POU6F2: variants seen among roughly 807,000 people sequenced by gnomAD.
POU6F2 encodes the protein POU class 6 homeobox 2, also known as POU domain, class 6, transcription factor 2.
POU6F2 carries 31 observed loss-of-function variants against 71.3 expected under a neutral mutation model. The ratio of observed to expected loss-of-function variants is 0.43; its 90% CI spans 0.33 to 0.59. POU6F2 has a LOEUF of 0.59. Ranked by LOEUF, POU6F2 falls within the 20% of genes least tolerant of loss-of-function variation. The probability of loss-of-function intolerance (pLI) is 0.04; values close to 1 mark genes in which losing one functional copy is unlikely to be tolerated. For missense variants in POU6F2, 783 were observed against 856.8 expected (o/e 0.91, Z 1.07); for synonymous variants, 347 against 355.7 (o/e 0.98, Z 0.27).
In POU6F2 at chr7:39,077,201, A is replaced by C. The variant is rs116280444; in HGVS notation, c.106-8659A>C. Reference sequence around the variant, plus strand: ...AACTCATATTGATGCTTTTTCATAAAGGCAGCAGAAATTGAATTGATGGTG... The same window carrying C: ...AACTCATATTGATGCTTTTTCATAACGGCAGCAGAAATTGAATTGATGGTG... On this transcript the variant is annotated intron_variant, in intron 1 of 9. Transcript: ENST00000518318. Among the ~76,000 whole-genome samples the C allele has an allele frequency of 4.3e-3, 652 of 152,346 alleles. 3 individuals are homozygous for C. Among genetic ancestry groups the C allele is most frequent in the African/African-American group, 0.015 (621 of 41,584 alleles).
chr7:39,274,770 C>T (rs1784406178), intron 4 of POU6F2, among the ~76,000 whole-genome samples: 1 of 129,026 alleles, frequency 7.8e-6, no homozygotes, highest in Non-Finnish European at 1.6e-5. Context: ...AAATGTAATC[C>T]AGCATATAAA....
At chr7:39,181,027 G>A (rs1446875247) in intron 2 of POU6F2, among the ~76,000 whole-genome samples, 1 of 152,208 alleles carries the variant, frequency 6.6e-6, no homozygotes, top group East Asian at 1.9e-4. Context: ...ATTCTAATGT[G>A]CCCCCATTCA....
intron 1 of POU6F2, among the ~76,000 whole-genome samples, chr7:39,009,339 T>C (rs969094533): frequency 9.2e-5 from 14 of 152,202 alleles, no homozygotes; most frequent in African/African-American, 3.4e-4. Flanking sequence ...GTTGTTGGTG[T>C]ATAAGAATGC....
intron 1 of POU6F2, among the ~76,000 whole-genome samples, chr7:38,994,083 A>G (rs193116914): frequency 6.6e-6 from 1 of 152,232 alleles, no homozygotes; most frequent in Admixed American, 6.5e-5. Flanking sequence ...CAATTTTCCT[A>G]TATTCATTGA....
intron 1 of POU6F2, among the ~76,000 whole-genome samples, chr7:39,072,497 C>T (rs1790904669): frequency 6.6e-6 from 1 of 152,200 alleles, no homozygotes; most frequent in South Asian, 2.1e-4. Context: ...TTCGGCTCAC[C>T]TGTTTTTACA....
At chr7:39,377,278 A>G (rs887946766) in intron 5 of POU6F2, among the ~76,000 whole-genome samples, 2 of 151,740 alleles carry the variant, frequency 1.3e-5, no homozygotes, top group Non-Finnish European at 2.9e-5. Flanking sequence ...TTACAGGTGC[A>G]CACCACCACA....
chr7:39,034,461 T>C (rs1270371743), intron 1 of POU6F2: 1 of 435,630 alleles, frequency 2.3e-6, no homozygotes, highest in South Asian at 1.6e-5. Context: ...GAATACTTTA[T>C]TACATATCTA....
chr7:39,277,853 T>C (rs2128758705), intron 4 of POU6F2, among the ~76,000 whole-genome samples: 1 of 151,784 alleles, frequency 6.6e-6, no homozygotes, highest in Non-Finnish European at 1.5e-5. Flanking sequence ...GGTCAAGAGG[T>C]CGAGATCATC....
intron 1 of POU6F2, among the ~76,000 whole-genome samples, chr7:39,047,693 A>G (rs928356914): frequency 6.6e-6 from 1 of 151,572 alleles, no homozygotes; most frequent in Non-Finnish European, 1.5e-5. Context: ...AGATGCACTT[A>G]ATATTTTTTC....
At position 39,024,545 on chromosome 7, in the gene POU6F2, G is replaced by A. The variant is rs9719863; in HGVS notation, c.105+46487G>A. Among the ~76,000 whole-genome samples the A allele has an allele frequency of 5.4e-3, 822 of 151,988 alleles. 7 individuals are homozygous for A. The highest frequency in any genetic ancestry group is 0.026 in the South Asian group (124 of 4,814). On this transcript the variant is annotated intron_variant, in intron 1 of 9. Coordinates refer to ENST00000518318, the MANE Select transcript of POU6F2 (RefSeq NM_001370959.1). ...TGGCCAGAACTTCCAACTCTATGTCGAATAGGAGTGGTGAGAGAGGGCATC... is the reference window on the plus strand; with the variant it reads ...TGGCCAGAACTTCCAACTCTATGTCAAATAGGAGTGGTGAGAGAGGGCATC...
intron 4 of POU6F2, among the ~76,000 whole-genome samples, chr7:39,303,593 C>T (rs1036628603): frequency 6.6e-6 from 1 of 152,088 alleles, no homozygotes; most frequent in Non-Finnish European, 1.5e-5. Flanking sequence ...AGAAGTGATC[C>T]TCTGGTTGGA....
chr7:39,086,096 C>T, intron 2 of POU6F2, 65 bp downstream of exon 2: 3 of 1,471,916 alleles, frequency 2.0e-6, no homozygotes, highest in Non-Finnish European at 2.7e-6. Flanking sequence ...TCCAACCCCC[C>T]CAACCCCCCC....
chr7:39,423,674 G>C (rs1787905600), intron 6 of POU6F2, among the ~76,000 whole-genome samples: 2 of 152,150 alleles, frequency 1.3e-5, no homozygotes, highest in South Asian at 4.1e-4. Context: ...TATACTTAAA[G>C]CTTCGAGTAT....
At chr7:39,459,610 G>C (rs1438097544) in intron 8 of POU6F2, among the ~76,000 whole-genome samples, 2 of 152,162 alleles carry the variant, frequency 1.3e-5, no homozygotes, top group Non-Finnish European at 2.9e-5. Flanking sequence ...GCAGAAAAAG[G>C]AAGAGAAAAA....
chr7:39,300,529 G>A (rs4723848), intron 4 of POU6F2, among the ~76,000 whole-genome samples: 69,561 of 152,062 alleles, frequency 0.46, 16,750 homozygotes, highest in Admixed American at 0.59. Context: ...ACAAAGTACC[G>A]CAGACTGGGT....
chr7:39,059,584 G>A (rs574937929), intron 1 of POU6F2, among the ~76,000 whole-genome samples: 9 of 151,846 alleles, frequency 5.9e-5, no homozygotes, highest in African/African-American at 1.7e-4. Flanking sequence ...TAGTAGGAAT[G>A]TAAAATGTTG....
rs543215661 is a variant in POU6F2 at position 39,464,982 on chromosome 7, G to A, written c.*296G>A. On this transcript the variant is annotated 3_prime_UTR_variant, in exon 10 of 10. Transcript: ENST00000518318. The surrounding 1 kb of genome is among the most constrained non-coding windows in gnomAD (Gnocchi z 4.1). ...CCTTCCCCCACCTGTCTCCCCCAAA[G>A]CCAGTTTTTTAATGGACTTAAAGCA... 3.4e-5 allele frequency: 11 copies of A among 319,942 alleles called. No homozygotes were observed. The East Asian group carries it at 5.6e-4, about 16-fold the overall frequency. 19.8% of individuals were successfully genotyped at this position (319,942 alleles called of 1,614,324 possible). A position where few individuals can be genotyped will look rare whatever the true frequency, so the allele number is the denominator to read the frequency against.
intron 4 of POU6F2, among the ~76,000 whole-genome samples, chr7:39,295,136 A>ATGCT (rs1784823226): frequency 6.6e-6 from 1 of 150,492 alleles, no homozygotes; most frequent in Non-Finnish European, 1.5e-5. Context: ...ATTGTTTTAA[A>ATGCT]TGCTTGCTTG....
chr7:39,354,552 C>T (rs1480175685), intron 5 of POU6F2, among the ~76,000 whole-genome samples: 1 of 152,132 alleles, frequency 6.6e-6, no homozygotes, highest in East Asian at 1.9e-4. Context: ...CACTTTATAC[C>T]ATACCATGTG....
Sources: allele counts gnomAD v4.1 joint callset (sites outside exome capture counted in the v4.1 genomes callset), GRCh38; gene constraint gnomAD v4.1.1; non-coding constraint Gnocchi (gnomAD v3.1); transcripts MANE v1.5; gene names NCBI Gene and HGNC (gene_info 2026-07-23, HGNC 2026-07-21).